The following ADAMTS2 variants were observed in gnomAD, a reference collection of about 807,000 sequenced individuals.
ADAMTS2 encodes the protein A disintegrin and metalloproteinase with thrombospondin motifs 2.
ADAMTS2 carries 50 observed loss-of-function variants against 123.0 expected under a neutral mutation model. The ratio of observed to expected loss-of-function variants is 0.41; its 90% CI spans 0.32 to 0.51. ADAMTS2 has a LOEUF of 0.51. Among genes scored for constraint, ADAMTS2 ranks in the 20% least tolerant of loss-of-function variants. The pLI is 0.35. For missense variants in ADAMTS2, 1,494 were observed against 1,705.2 expected (o/e 0.88, Z 2.18); for synonymous variants, 678 against 695.4 (o/e 0.98, Z 0.39).
chr5:179,147,049 A>AT (rs1561777360), intron 10 of ADAMTS2, among the ~76,000 whole-genome samples: 1 of 152,086 alleles, frequency 6.6e-6, no homozygotes, highest in Non-Finnish European at 1.5e-5. Context: ...ATTGTCATCC[A>AT]TATGTTGTGA....
intron 4 of ADAMTS2, among the ~76,000 whole-genome samples, chr5:179,182,755 G>C (rs1489622277): frequency 6.6e-6 from 1 of 152,166 alleles, no homozygotes. Context: ...ATAGGCAAGG[G>C]ACAACTCATC....
In ADAMTS2 at chr5:179,113,807, TC is replaced by T. The variant is rs1762612186; in HGVS notation, c.*59del. ...CATCTCCATGACACAGGATTTGCTATCCCATGGAATATCTCTATAAGCAAGA... is the reference window on the plus strand; with the variant it reads ...CATCTCCATGACACAGGATTTGCTATCCATGGAATATCTCTATAAGCAAGA... On this transcript the variant is annotated 3_prime_UTR_variant, in exon 22 of 22. Coordinates refer to ENST00000251582, the MANE Select transcript of ADAMTS2 (RefSeq NM_014244.5). 15 of 1,523,360 alleles carry T rather than the reference TC, an allele frequency of 9.8e-6. No individual in the cohort carries two copies. Among genetic ancestry groups the T allele is most frequent in the Non-Finnish European group, 1.4e-5 (15 of 1,097,988 alleles). 94.4% of individuals were successfully genotyped at this position (1,523,360 alleles called of 1,614,324 possible).
chr5:179,168,744 C>G (rs1763760499), intron 5 of ADAMTS2, among the ~76,000 whole-genome samples: 1 of 152,154 alleles, frequency 6.6e-6, no homozygotes, highest in African/African-American at 2.4e-5. Context: ...TCCCACCATC[C>G]CTGCTCTGTG....
At chr5:179,212,241 G>A (rs73329780) in intron 3 of ADAMTS2, among the ~76,000 whole-genome samples, 23,027 of 130,300 alleles carry the variant, frequency 0.18, 2,130 homozygotes, top group Non-Finnish European at 0.21. Flanking sequence ...GGGCAGGCAC[G>A]GGCTCTGTGG....
chr5:179,343,704 A>G (rs1473081853), intron 2 of ADAMTS2, 63 bp downstream of exon 2: 13 of 1,572,538 alleles, frequency 8.3e-6, no homozygotes, highest in African/African-American at 4.0e-5. Flanking sequence ...CTCCCAGGTA[A>G]CCCTTTTCCA....
chr5:179,319,493 C>G (rs1386214182), intron 2 of ADAMTS2, among the ~76,000 whole-genome samples: 1 of 152,110 alleles, frequency 6.6e-6, no homozygotes, highest in Non-Finnish European at 1.5e-5. Flanking sequence ...ACATGCCTCA[C>G]ATTTGCACAC....
chr5:179,136,637 A>G (rs1157831795), intron 12 of ADAMTS2, among the ~76,000 whole-genome samples: 1 of 136,746 alleles, frequency 7.3e-6, no homozygotes, highest in Non-Finnish European at 1.5e-5. Context: ...TGCACACTGC[A>G]CTCCAGCCTG....
chr5:179,268,746 G>T (rs899523741), intron 3 of ADAMTS2, among the ~76,000 whole-genome samples: 18 of 152,258 alleles, frequency 1.2e-4, no homozygotes, highest in Non-Finnish European at 1.6e-4. Flanking sequence ...ACCAGGGCCT[G>T]CCTGGGCTGT....
intron 4 of ADAMTS2, among the ~76,000 whole-genome samples, chr5:179,196,486 C>T (rs748557255): frequency 2.0e-5 from 3 of 152,206 alleles, no homozygotes; most frequent in Non-Finnish European, 4.4e-5. Flanking sequence ...AAACCTGCTC[C>T]TCCTGCTCTG....
In ADAMTS2 at chr5:179,154,082, C is replaced by G. The variant is rs752634323; in HGVS notation, c.1349G>C (p.Arg450Pro). 6.2e-7 allele frequency: 1 copy of G among 1,604,422 alleles called. No homozygotes were observed. The highest frequency in any genetic ancestry group is 8.5e-7 in the Non-Finnish European group (1 of 1,178,254). Residue 450 changes from arginine (R) to proline (P), a missense_variant, in exon 8 of 22, where the codon CGC becomes CCC. Around this residue, in one of 6 missense-constraint regions of ADAMTS2, gnomAD observed 953 missense variants for 1,124.7 expected, o/e 0.85. Coordinates refer to ENST00000251582, the MANE Select transcript of ADAMTS2 (RefSeq NM_014244.5). The stretch of plus-strand genomic sequence containing the variant: ...GCGGCTCAGCTCCTGCTGGCTGCAG[C>G]GGGACCAGTGGAAGCGGTGGAAGGC... Reference protein sequence around the residue: ...QAAFHRFHWSRCSQQELSRYL... With the variant: ...QAAFHRFHWSPCSQQELSRYL...
intron 4 of ADAMTS2, among the ~76,000 whole-genome samples, chr5:179,184,782 C>T (rs923325264): frequency 3.3e-5 from 5 of 152,076 alleles, no homozygotes; most frequent in Admixed American, 1.3e-4. Context: ...CCAGCAGAAC[C>T]ACTGCCTCAC....
rs1161697551 is a variant in ADAMTS2 at position 179,136,069 on chromosome 5, C to A, written c.1952-27G>T. The stretch of plus-strand genomic sequence containing the variant: ...TGGAAGGGAAGCAGCTGGGGGTCTG[C>A]AAGGAGCCCTGATGGCTTCCCCATG... On this transcript the variant is annotated intron_variant, in intron 12 of 21. Coordinates refer to ENST00000251582, the MANE Select transcript of ADAMTS2 (RefSeq NM_014244.5). The A allele has an allele frequency of 5.6e-6, 9 of 1,612,942 alleles. No homozygotes were observed. The African/African-American group carries it at 1.2e-4, about 22-fold the overall frequency.
chr5:179,297,374 C>A (rs1478940985), intron 2 of ADAMTS2, among the ~76,000 whole-genome samples: 2 of 151,904 alleles, frequency 1.3e-5, no homozygotes, highest in Admixed American at 1.3e-4. Flanking sequence ...TCAGCCGTAG[C>A]CTCCCACCCC....
chr5:179,174,176 G>T (rs60854334), intron 5 of ADAMTS2, among the ~76,000 whole-genome samples: 1,763 of 152,150 alleles, frequency 0.012, 44 homozygotes, highest in African/African-American at 0.039. Context: ...TTTATAAATG[G>T]TGTATTATTT....
chr5:179,258,615 A>G (rs980767174), intron 3 of ADAMTS2, among the ~76,000 whole-genome samples: 2 of 152,168 alleles, frequency 1.3e-5, no homozygotes, highest in Non-Finnish European at 2.9e-5. Flanking sequence ...CGCAGCTAGG[A>G]ATCTGCAGCT....
At position 179,127,950 on chromosome 5, in the gene ADAMTS2, C is replaced by A. The variant is rs943437047; in HGVS notation, c.2617+9G>T. ...GTCACCCAGGTCCCCAGCTTCGAGA[C>A]CCCCTCACCTCCGCCACAGGGCTTG... is the stretch of plus-strand genomic sequence containing the variant. On this transcript the variant is annotated intron_variant, in intron 17 of 21. Coordinates refer to ENST00000251582, the MANE Select transcript of ADAMTS2 (RefSeq NM_014244.5). The A allele has an allele frequency of 8.1e-6, 13 of 1,613,334 alleles. No individual in the cohort carries two copies. The East Asian group carries it at 2.7e-4, about 33-fold the overall frequency.
Position 179,188,648 on chromosome 5 carries a change from C to T in ADAMTS2, c.892-7493G>A, listed in dbSNP as rs184169099. Among the ~76,000 whole-genome samples the T allele has an allele frequency of 4.2e-3, 646 of 152,294 alleles. 7 individuals are homozygous for T. Among genetic ancestry groups the T allele is most frequent in the African/African-American group, 0.012 (496 of 41,554 alleles). On this transcript the variant is annotated intron_variant, in intron 4 of 21. Transcript: ENST00000251582. The surrounding 1 kb of genome is among the most constrained non-coding windows in gnomAD (Gnocchi z 5.1). ...TCAGAATTACTAGGCTCAGTTCATA[C>T]ATCAAAAAGTGAGGTGGTCAGAGTC...
intron 3 of ADAMTS2, among the ~76,000 whole-genome samples, chr5:179,244,236 G>A (rs778863359): frequency 9.2e-5 from 14 of 152,114 alleles, no homozygotes; most frequent in Admixed American, 4.6e-4. Context: ...TAAAAATGCC[G>A]AAAGCCAAAG....
intron 2 of ADAMTS2, among the ~76,000 whole-genome samples, chr5:179,311,829 C>T (rs1458301785): frequency 6.6e-6 from 1 of 152,220 alleles, no homozygotes; most frequent in Non-Finnish European, 1.5e-5. Context: ...TCTCTCTCCC[C>T]GACTGCAAGA....
Sources: allele counts gnomAD v4.1 joint callset (sites outside exome capture counted in the v4.1 genomes callset), GRCh38; gene constraint gnomAD v4.1.1; regional missense constraint gnomAD v4.1.1; non-coding constraint Gnocchi (gnomAD v3.1); transcripts MANE v1.5; gene names NCBI Gene and HGNC (gene_info 2026-07-23, HGNC 2026-07-21).